The following PLCB1 variants were observed in gnomAD, a reference collection of about 807,000 sequenced individuals.
PLCB1 encodes the protein 1-phosphatidylinositol 4,5-bisphosphate phosphodiesterase beta-1.
PLCB1 carries 46 observed loss-of-function variants against 161.8 expected under a neutral mutation model. That is an observed-to-expected ratio of 0.28 (90% CI 0.22 to 0.36). The LOEUF (loss-of-function observed/expected upper bound fraction) is 0.36, where lower values mean the gene tolerates loss of function less well. PLCB1 is among the 10% of genes least tolerant of loss of function. The pLI, the probability that PLCB1 is intolerant of heterozygous loss-of-function variation, is 1.00. For synonymous variants in PLCB1, 517 were observed against 503.7 expected (o/e 1.03, Z -0.35); for missense variants, 1,016 against 1,472.5 (o/e 0.69, Z 5.07).
chr20:8,689,085 A>ATT lies in PLCB1; in HGVS notation c.1009+4020_1009+4021dup, dbSNP rs57357454. On this transcript the variant is annotated intron_variant, in intron 10 of 31. Transcript: ENST00000338037. ...TCCTTTTTTAGGTATATTCCTCAGT[A>ATT]TTTTTTTTTTTTTTGCAGCTATTGT... Among the ~76,000 whole-genome samples, 7 of 142,636 alleles carry ATT rather than the reference A, an allele frequency of 4.9e-5. 1 individual carries two copies. The highest frequency in any genetic ancestry group is 1.8e-4 in the African/African-American group (7 of 38,822). The allele number at this position is 142,636 out of a possible 152,430, so 93.6% of individuals were successfully genotyped here.
chr20:8,240,908 C>CA (rs1391461327), intron 2 of PLCB1, among the ~76,000 whole-genome samples: 1 of 151,938 alleles, frequency 6.6e-6, no homozygotes, highest in African/African-American at 2.4e-5. Flanking sequence ...ACCAGCAAAG[C>CA]AAAACCAGTT....
chr20:8,729,781 A>C (rs944940128), intron 18 of PLCB1: 1 of 152,026 alleles, frequency 6.6e-6, no homozygotes, highest in Non-Finnish European at 1.5e-5. Flanking sequence ...CTAACGTTAA[A>C]AGATGTGAAC....
At chr20:8,826,067 A>C (rs1985680566) in intron 31 of PLCB1, among the ~76,000 whole-genome samples, 1 of 152,192 alleles carries the variant, frequency 6.6e-6, no homozygotes, top group South Asian at 2.1e-4. Context: ...AGATGTTTTC[A>C]GGCATCTAGA....
chr20:8,356,944 A>G (rs2122282718), intron 2 of PLCB1, among the ~76,000 whole-genome samples: 2 of 152,354 alleles, frequency 1.3e-5, no homozygotes, highest in Middle Eastern at 3.4e-3. Context: ...GGATTTTCAA[A>G]AAAATTTCCT....
chr20:8,708,131 A>C (rs1356589528), intron 11 of PLCB1, among the ~76,000 whole-genome samples: 1 of 152,270 alleles, frequency 6.6e-6, no homozygotes, highest in East Asian at 1.9e-4. Flanking sequence ...CTCTCTGAAT[A>C]TACTAAAAAC....
intron 11 of PLCB1, among the ~76,000 whole-genome samples, chr20:8,705,711 A>C (rs1254479235): frequency 6.6e-6 from 1 of 152,198 alleles, no homozygotes; most frequent in Non-Finnish European, 1.5e-5. Context: ...AGATGGTGAG[A>C]TGAAAGCATG....
chr20:8,587,179 A>AAT (rs1200947565), intron 3 of PLCB1, among the ~76,000 whole-genome samples: 49 of 144,384 alleles, frequency 3.4e-4, no homozygotes, highest in Middle Eastern at 3.7e-3. Flanking sequence ...TCAATTAAAA[A>AAT]ATATATATAT....
chr20:8,877,817 G>T (rs3848836), intron 31 of PLCB1, among the ~76,000 whole-genome samples: 66,164 of 152,078 alleles, frequency 0.44, 15,788 homozygotes, highest in African/African-American at 0.63. Flanking sequence ...TTGTATGGCT[G>T]TTTAAAAAGA....
chr20:8,348,007 T>C (rs925126641), intron 2 of PLCB1, among the ~76,000 whole-genome samples: 2 of 152,122 alleles, frequency 1.3e-5, no homozygotes, highest in Non-Finnish European at 2.9e-5. Context: ...GCCTGGCTTC[T>C]TAAGAAACCA....
intron 31 of PLCB1, among the ~76,000 whole-genome samples, chr20:8,801,024 G>A (rs1039173224): frequency 6.6e-6 from 1 of 152,096 alleles, no homozygotes; most frequent in African/African-American, 2.4e-5. Flanking sequence ...TAGAACACAA[G>A]TTAAATCAGG....
At chr20:8,389,406 C>T (rs1403571582) in intron 3 of PLCB1, among the ~76,000 whole-genome samples, 1 of 152,194 alleles carries the variant, frequency 6.6e-6, no homozygotes, top group Non-Finnish European at 1.5e-5. Flanking sequence ...GGAAAGGTCA[C>T]GGTTCTGCTC....
At chr20:8,150,535 C>T (rs1432007784) in intron 2 of PLCB1, among the ~76,000 whole-genome samples, 164 bp downstream of exon 2, 3 of 152,070 alleles carry the variant, frequency 2.0e-5, no homozygotes, top group Non-Finnish European at 4.4e-5. Context: ...GGACTTAGGA[C>T]GTTTCAAAGT....
At chr20:8,820,331 A>C (rs1440802819) in intron 31 of PLCB1, among the ~76,000 whole-genome samples, 2 of 151,846 alleles carry the variant, frequency 1.3e-5, no homozygotes, top group Middle Eastern at 6.9e-3. Context: ...AAAAACTCAA[A>C]CAGGTGCTTC....
intron 3 of PLCB1, among the ~76,000 whole-genome samples, chr20:8,471,802 A>G (rs1038606911): frequency 3.9e-5 from 6 of 152,266 alleles, no homozygotes; most frequent in African/African-American, 1.4e-4. Flanking sequence ...TAGCTGGGTA[A>G]GTTTCTCTCT....
intron 26 of PLCB1, among the ~76,000 whole-genome samples, chr20:8,770,072 C>G (rs1362709184): frequency 1.3e-5 from 2 of 152,140 alleles, no homozygotes; most frequent in Non-Finnish European, 2.9e-5. Context: ...CCTGCCTCAG[C>G]CTCCTGAGTA....
chr20:8,688,694 A>G (rs886789219), intron 10 of PLCB1, among the ~76,000 whole-genome samples: 3 of 152,082 alleles, frequency 2.0e-5, no homozygotes, highest in African/African-American at 4.8e-5. Context: ...ATTCTGTCCC[A>G]TTGTTCTGAG....
Position 8,657,266 on chromosome 20 carries a change from A to G in PLCB1, c.677A>G (p.Asp226Gly), listed in dbSNP as rs1989488716. 3 of 1,594,096 alleles carry G rather than the reference A, an allele frequency of 1.9e-6. No individual in the cohort carries two copies. The highest frequency in any genetic ancestry group is 2.6e-6 in the Non-Finnish European group (3 of 1,162,022). ...AACCTTTGCCCTCGACCTGAAATTG[A>G]TAACATCTTTTCAGAATTGTAAGAG... ...LNNLCPRPEIDNIFSEFGAKS... is the reference protein window; with the variant it reads ...LNNLCPRPEIGNIFSEFGAKS... The change falls in exon 8 of 32, where the codon GAT (aspartate) becomes GGT (glycine). Residue 226 changes from aspartate (D) to glycine (G), a missense_variant. Physicochemically the swap from Asp to Gly is moderately conservative, Grantham distance 94. Around this residue, in one of 10 missense-constraint regions of PLCB1, gnomAD observed 117 missense variants for 142.2 expected, o/e 0.82. Transcript: ENST00000338037.
At chr20:8,186,395 G>A (rs749429442) in intron 2 of PLCB1, among the ~76,000 whole-genome samples, 18 of 152,132 alleles carry the variant, frequency 1.2e-4, no homozygotes, top group Non-Finnish European at 2.6e-4. Context: ...GTTAATTGAT[G>A]TTGTCTTTAC....
chr20:8,785,146 G>A (rs756949168), intron 27 of PLCB1, among the ~76,000 whole-genome samples: 3 of 152,104 alleles, frequency 2.0e-5, no homozygotes, highest in Non-Finnish European at 2.9e-5. Flanking sequence ...CAGTCAAAGG[G>A]GAGAATTACC....
Sources: allele counts gnomAD v4.1 joint callset (sites outside exome capture counted in the v4.1 genomes callset), GRCh38; gene constraint gnomAD v4.1.1; regional missense constraint gnomAD v4.1.1; transcripts MANE v1.5; gene names NCBI Gene and HGNC (gene_info 2026-07-23, HGNC 2026-07-21).